Variants in NAALADL2 observed in about 807,000 individuals in gnomAD.
NAALADL2 encodes N-acetylated alpha-linked acidic dipeptidase like 2, also known as inactive N-acetylated-alpha-linked acidic dipeptidase-like protein 2.
In NAALADL2, 76 loss-of-function variants were observed where a neutral mutation model predicts 87.2. The ratio of observed to expected loss-of-function variants is 0.87; its 90% CI spans 0.72 to 1.05. The LOEUF (loss-of-function observed/expected upper bound fraction) is 1.05. Ranked by LOEUF, NAALADL2 falls within the 50% of genes least tolerant of loss-of-function variation. NAALADL2 has a pLI of 0.00. For synonymous variants in NAALADL2, 354 were observed against 331.0 expected, an observed-to-expected ratio of 1.07 and a Z score of -0.75; for missense variants, 1,089 against 945.8, an observed-to-expected ratio of 1.15 and a Z score of -1.99.
chr3:174,915,460 T>A (rs1306348971), intron 1 of NAALADL2, among the ~76,000 whole-genome samples: 1 of 152,146 alleles, frequency 6.6e-6, no homozygotes, highest in Non-Finnish European at 1.5e-5. Flanking sequence ...AAGGACAACT[T>A]CATAGAACTA....
rs76323890 is a variant in NAALADL2 at position 174,865,100 on chromosome 3, A to G, written c.43+5650A>G. 4.5e-3 allele frequency among the ~76,000 whole-genome samples: 682 copies of G among 152,150 alleles called. 3 individuals are homozygous for G. The highest frequency in any genetic ancestry group is 0.016 in the African/African-American group (661 of 41,550). On this transcript the variant is annotated intron_variant, in intron 1 of 13. Coordinates refer to ENST00000454872, the MANE Select transcript of NAALADL2 (RefSeq NM_207015.3). Reference sequence around the variant, plus strand: ...GTCGAACACTTCGGGAGGCTCTTTCATAAATGCTTTCTGTAATTTATATTG... The same window carrying G: ...GTCGAACACTTCGGGAGGCTCTTTCGTAAATGCTTTCTGTAATTTATATTG...
intron 10 of NAALADL2, among the ~76,000 whole-genome samples, chr3:175,623,845 A>T (rs1726594016): frequency 6.6e-6 from 1 of 151,448 alleles, no homozygotes; most frequent in African/African-American, 2.4e-5. Context: ...TCATAAGCTG[A>T]TGGTTTGTTT....
At chr3:175,197,216 G>A (rs926662819) in intron 2 of NAALADL2, among the ~76,000 whole-genome samples, 3 of 151,976 alleles carry the variant, frequency 2.0e-5, no homozygotes, top group Admixed American at 1.3e-4. Flanking sequence ...GTTTAAGTCT[G>A]CATATGTCTG....
chr3:175,761,520 G>A (rs764265451), intron 13 of NAALADL2, among the ~76,000 whole-genome samples: 1 of 150,626 alleles, frequency 6.6e-6, no homozygotes, highest in Non-Finnish European at 1.5e-5. Flanking sequence ...AGATACCAAA[G>A]TGTGCAATTG....
At position 175,292,442 on chromosome 3, in the gene NAALADL2, G is replaced by A. The variant is rs577967345; in HGVS notation, c.940-31733G>A. 5.3e-5 allele frequency among the ~76,000 whole-genome samples: 8 copies of A among 152,100 alleles called. No homozygotes were observed. In the East Asian group the frequency reaches 1.5e-3, roughly 29 times the overall value. On this transcript the variant is annotated intron_variant, in intron 4 of 13. Transcript: ENST00000454872. ...TGTTTGTGTAGAAAGTGATTTTGTG[G>A]GCTGCCATTTTTTATCTTGGTATAT...
chr3:174,606,642 C>A (rs1278383810), intron 2 of NAALADL2, among the ~76,000 whole-genome samples: 1 of 152,128 alleles, frequency 6.6e-6, no homozygotes, highest in Non-Finnish European at 1.5e-5. Context: ...AAGAAATGAA[C>A]AAAGCCTCCA....
At chr3:174,514,772 C>G (rs1719818194) in intron 1 of NAALADL2, among the ~76,000 whole-genome samples, 1 of 152,014 alleles carries the variant, frequency 6.6e-6, no homozygotes, top group African/African-American at 2.4e-5. Context: ...GAGAGTATAA[C>G]TAAAGACAAT....
rs1718833973 is a variant in NAALADL2 at position 175,576,044 on chromosome 3, A to C, written c.1657A>C (p.Asn553His). ...CAATTTAAATTATGTTTTTCAGAAA[A>C]ATAATTTCAACTGTACCAGAAGAGC... ...PSLQQLVVEK[N>H]NFNCTRRAQC... The change falls in exon 10 of 14, where the codon AAT (asparagine) becomes CAT (histidine). Residue 553 changes from asparagine to histidine, a missense_variant. Transcript: ENST00000454872. 6.2e-7 allele frequency: 1 copy of C among 1,609,492 alleles called. No homozygotes were observed. Among genetic ancestry groups the C allele is most frequent in the Non-Finnish European group, 8.5e-7 (1 of 1,178,324 alleles).
chr3:175,090,229 G>C (rs1179822620), intron 1 of NAALADL2, among the ~76,000 whole-genome samples: 4 of 152,022 alleles, frequency 2.6e-5, no homozygotes, highest in Non-Finnish European at 5.9e-5. Context: ...TGTGATATTA[G>C]TGAGACTTAA....
At chr3:175,070,051 T>A (rs1270911941) in intron 1 of NAALADL2, among the ~76,000 whole-genome samples, 1 of 144,362 alleles carries the variant, frequency 6.9e-6, no homozygotes, top group Non-Finnish European at 1.5e-5. Flanking sequence ...TTAGGAGATA[T>A]ACCTAATGCT....
At chr3:175,698,199 A>G (rs866849259) in intron 11 of NAALADL2, among the ~76,000 whole-genome samples, 1 of 2,584 alleles carries the variant, frequency 3.9e-4, no homozygotes, top group Non-Finnish European at 5.4e-4. Flanking sequence ...ATGTGTATAT[A>G]TGTATGTATA....
chr3:175,396,867 C>T (rs1019765592), intron 5 of NAALADL2, among the ~76,000 whole-genome samples: 6 of 152,044 alleles, frequency 3.9e-5, no homozygotes, highest in Admixed American at 1.3e-4. Flanking sequence ...TTTGCTTCCC[C>T]TTCTGCCATT....
rs891552468 is a variant in NAALADL2, at chr3:175,463,778, T to C, written c.1327+285T>C. Among the ~76,000 whole-genome samples the C allele has an allele frequency of 2.0e-4, 30 of 150,408 alleles. 3 individuals are homozygous for C. The highest frequency in any genetic ancestry group is 1.3e-3 in the Admixed American group (19 of 15,146). ...AGGAGATGAAACAAGAAACAGAGTT[T>C]AGATTTGGTAAACTGGCATGTTCTA... On this transcript the variant is annotated intron_variant, in intron 7 of 13. Coordinates refer to ENST00000454872, the MANE Select transcript of NAALADL2 (RefSeq NM_207015.3).
intron 11 of NAALADL2, among the ~76,000 whole-genome samples, chr3:175,677,480 T>G (rs796898152): frequency 5.6e-4 from 66 of 117,030 alleles, no homozygotes; most frequent in African/African-American, 2.7e-3. Context: ...TATAATGGGG[T>G]GTGTGTGTGT....
At chr3:175,686,989 A>G (rs149076256) in intron 11 of NAALADL2, among the ~76,000 whole-genome samples, 13 of 152,306 alleles carry the variant, frequency 8.5e-5, no homozygotes, top group African/African-American at 3.1e-4. Flanking sequence ...GAGAAAACAA[A>G]TATCAGATGT....
Position 174,779,753 on chromosome 3 carries a change from T to G in NAALADL2, c.-9+42007T>G, listed in dbSNP as rs566026015. On this transcript the variant is annotated intron_variant, in intron 3 of 3. Transcript: ENST00000434257. ...AAATCCTTTCCCCATTGCTTGTTTT[T>G]GTCAGGTGTGTCAAAGATCAGATGG... is the stretch of plus-strand genomic sequence containing the variant. 1.2e-3 allele frequency among the ~76,000 whole-genome samples: 180 copies of G among 152,306 alleles called. 1 individual carries two copies. Among genetic ancestry groups the G allele is most frequent in the Admixed American group, 1.0e-3 (16 of 15,292 alleles).
chr3:174,907,576 C>T (rs1052538643), intron 1 of NAALADL2, among the ~76,000 whole-genome samples: 13 of 152,082 alleles, frequency 8.5e-5, no homozygotes, highest in African/African-American at 2.7e-4. Flanking sequence ...AGAAAAACCA[C>T]GTCCCTAAAA....
intron 2 of NAALADL2, among the ~76,000 whole-genome samples, chr3:174,608,376 G>C (rs1277879006): frequency 1.3e-5 from 2 of 151,858 alleles, no homozygotes; most frequent in Non-Finnish European, 2.9e-5. Context: ...ATGAATCCAG[G>C]AGCTGGTTTT....
At chr3:175,662,949 G>GTTTA (rs1732464278) in intron 11 of NAALADL2, among the ~76,000 whole-genome samples, 1 of 146,414 alleles carries the variant, frequency 6.8e-6, no homozygotes. Flanking sequence ...CCTGTAGTTT[G>GTTTA]TTTGTTTGTT....
Sources: allele counts gnomAD v4.1 joint callset (sites outside exome capture counted in the v4.1 genomes callset), GRCh38; gene constraint gnomAD v4.1.1; transcripts MANE v1.5; gene names NCBI Gene and HGNC (gene_info 2026-07-23, HGNC 2026-07-21).